PINLYP: variants seen among roughly 807,000 people sequenced by gnomAD.
PINLYP encodes phospholipase A2 inhibitor and LY6/PLAUR domain containing.
A neutral mutation model predicts 15.8 loss-of-function variants in PINLYP; 12 were observed. That is an observed-to-expected ratio of 0.76 (90% confidence interval 0.49 to 1.23). The LOEUF (loss-of-function observed/expected upper bound fraction) is 1.23. Ranked by LOEUF, PINLYP falls within the 50% of genes most tolerant of loss-of-function variation. The probability of loss-of-function intolerance (pLI) is 0.00; values close to 1 mark genes in which losing one functional copy is unlikely to be tolerated. For synonymous variants in PINLYP, 93 were observed against 97.7 expected, an observed-to-expected ratio of 0.95 and a Z score of 0.28; for missense variants, 278 against 264.2, an observed-to-expected ratio of 1.05 and a Z score of -0.36.
exon 3 of PINLYP, chr19:43,578,668 A>T: frequency 6.5e-7 from 1 of 1,536,026 alleles, no homozygotes; most frequent in Non-Finnish European, 8.7e-7. Context: ...AGCAGTGACA[A>T]GGACACATGT....
chr19:43,581,683 T>C, exon 5 of PINLYP: 1 of 1,536,340 alleles, frequency 6.5e-7, no homozygotes, highest in Non-Finnish European at 8.7e-7. Flanking sequence ...TGCGTCTCCT[T>C]ATCTGGACAC....
In PINLYP at chr19:43,581,554, C is replaced by T; in HGVS notation, c.341-9C>T. The T allele has an allele frequency of 3.9e-6, 6 of 1,533,348 alleles. No homozygotes were observed. The highest frequency in any genetic ancestry group is 5.2e-6 in the Non-Finnish European group (6 of 1,145,364). 95.0% of individuals were successfully genotyped at this position (1,533,348 alleles called of 1,614,324 possible). On this transcript the variant is annotated splice_polypyrimidine_tract_variant and intron_variant, in intron 4 of 5. Coordinates refer to ENST00000599207, the Ensembl canonical transcript of PINLYP. ...CCCTATTCACCTTACACTTCATCCT[C>T]ATCCTCAGTTCCCTTGACCAATCTT... is the stretch of plus-strand genomic sequence containing the variant.
chr19:43,577,303 A>AGAGAGAG (rs368788022), intron 2 of PINLYP, 42 bp downstream of exon 2: 24,571 of 1,521,718 alleles, frequency 0.016, 346 homozygotes, highest in African/African-American at 0.061. Context: ...GACCTCAGGA[A>AGAGAGAG]GAGAGAGGTC....
upstream of PINLYP, chr19:43,575,519 A>G (rs779694089): frequency 2.5e-5 from 36 of 1,427,982 alleles, no homozygotes; most frequent in Admixed American, 3.5e-5. Flanking sequence ...TCCGAGGGGC[A>G]GGGAGAGTGG....
intron 3 of PINLYP, among the ~76,000 whole-genome samples, chr19:43,579,239 G>T (rs951365806): frequency 6.6e-6 from 1 of 151,928 alleles, no homozygotes; most frequent in African/African-American, 2.4e-5. Context: ...TTGAAGTATG[G>T]AGCAAATCAT....
Position 43,581,211 on chromosome 19 carries a change from G to C in PINLYP, c.188-1G>C, listed in dbSNP as rs762138947. 2.0e-6 allele frequency: 3 copies of C among 1,536,706 alleles called. No individual in the cohort carries two copies. The African/African-American group carries it at 4.1e-5, about 21-fold the overall frequency. ...TGTCCCTGCCTGTCCCCATCCCACA[G>C]AGGGCAAGGAGTTGGTGCACACCTA... On this transcript the variant is annotated splice_acceptor_variant, in intron 3 of 5. Transcript: ENST00000599207. LOFTEE classifies it high-confidence loss of function.
At position 43,581,710 on chromosome 19, in the gene PINLYP, G is replaced by A; in HGVS notation, c.481+7G>A. On this transcript the variant is annotated splice_region_variant and intron_variant, in intron 5 of 5. Coordinates refer to ENST00000599207, the Ensembl canonical transcript of PINLYP. ...TCTGGACACGTGCAGGCTGGTGAGTGGTGCCTGAATCTCTGGAAAAGGAAA... is the reference window on the plus strand; with the variant it reads ...TCTGGACACGTGCAGGCTGGTGAGTAGTGCCTGAATCTCTGGAAAAGGAAA... 4 of 1,536,092 alleles carry A rather than the reference G, an allele frequency of 2.6e-6. No homozygotes were observed. The highest frequency in any genetic ancestry group is 3.5e-6 in the Non-Finnish European group (4 of 1,146,848).
Position 43,576,936 on chromosome 19 carries a change from G to C in PINLYP, c.-78+17G>C, listed in dbSNP as rs909590219. On this transcript the variant is annotated intron_variant, in intron 1 of 5. Coordinates refer to ENST00000599207, the Ensembl canonical transcript of PINLYP. ...CGTGGGAAGGTGAGAAAACAGGGTG[G>C]TGACTTTCTGGGTTCTAATAGAAGA... 1.9e-6 allele frequency: 1 copy of C among 516,134 alleles called. No individual in the cohort carries two copies. The highest frequency in any genetic ancestry group is 3.3e-6 in the Non-Finnish European group (1 of 299,194). 32.0% of individuals were successfully genotyped at this position (516,134 alleles called of 1,614,324 possible).
At chr19:43,581,779 G>A in intron 5 of PINLYP, 76 bp downstream of exon 5, 1 of 1,533,310 alleles carries the variant, frequency 6.5e-7, no homozygotes, top group Non-Finnish European at 8.7e-7. Flanking sequence ...GGAGGAGAGG[G>A]TTCCAGAGAA....
upstream of PINLYP, chr19:43,575,514 G>C: frequency 6.3e-7 from 1 of 1,577,172 alleles, no homozygotes; most frequent in East Asian, 2.3e-5. Flanking sequence ...TGGGGTCCGA[G>C]GGGCAGGGAG....
chr19:43,577,589 A>T (rs1268482954), intron 2 of PINLYP, among the ~76,000 whole-genome samples: 1 of 137,128 alleles, frequency 7.3e-6, no homozygotes, highest in East Asian at 2.2e-4. Context: ...AAATCTTTAA[A>T]AATATAATTA....
intron 1 of PINLYP, 78 bp from the exon 2 acceptor site, chr19:43,577,037 G>T: frequency 1.4e-6 from 2 of 1,416,722 alleles, no homozygotes; most frequent in Non-Finnish European, 1.9e-6. Flanking sequence ...GTCACTTTTG[G>T]ATTCTGGTTC....
Position 43,578,570 on chromosome 19 carries a change from G to T in PINLYP, c.71-20G>T. ...CCACACCACCCATGACTACAGCCTC[G>T]CCCTCTGTCTACACTGCAGGGTGCC... On this transcript the variant is annotated intron_variant, in intron 2 of 5. Coordinates refer to ENST00000599207, the Ensembl canonical transcript of PINLYP. 6.6e-7 allele frequency: 1 copy of T among 1,522,590 alleles called. No individual in the cohort carries two copies. Among genetic ancestry groups the T allele is most frequent in the Non-Finnish European group, 8.8e-7 (1 of 1,135,670 alleles). 94.3% of individuals were successfully genotyped at this position (1,522,590 alleles called of 1,614,324 possible).
chr19:43,575,524 G>C (rs1162494315), upstream of PINLYP: 2 of 1,532,456 alleles, frequency 1.3e-6, no homozygotes, highest in African/African-American at 1.4e-5. Context: ...GGGGCAGGGA[G>C]AGTGGGAGGG....
At chr19:43,575,966 A>G (rs543945312) in exon 1 of PINLYP, 1 of 152,280 alleles carries the variant, frequency 6.6e-6, no homozygotes, top group East Asian at 1.9e-4. Flanking sequence ...CAGTGGCACG[A>G]TCTCGGCTTT....
rs755742280 is a variant in PINLYP, at chr19:43,578,814, G to A, written c.187+108G>A. On this transcript the variant is annotated intron_variant, in intron 3 of 5. Transcript: ENST00000599207. The stretch of plus-strand genomic sequence containing the variant: ...ATCATGGTTCTCAAGACGGGAGCGT[G>A]GGAAGAAATCAGTGGAGAGCAGGAA... 3.6e-6 allele frequency: 3 copies of A among 823,146 alleles called. No individual in the cohort carries two copies. The South Asian group carries it at 4.5e-5, about 12-fold the overall frequency. 51.0% of individuals were successfully genotyped at this position (823,146 alleles called of 1,614,324 possible). A position where few individuals can be genotyped will look rare whatever the true frequency, so the allele number is the denominator to read the frequency against.
chr19:43,577,349 G>C, intron 2 of PINLYP, 88 bp downstream of exon 2: 16 of 1,301,634 alleles, frequency 1.2e-5, no homozygotes, highest in Non-Finnish European at 1.6e-5. Flanking sequence ...GAGAGAGAAA[G>C]AGCCTTCAGC....
chr19:43,577,168 C>A, exon 2 of PINLYP: 8 of 1,535,984 alleles, frequency 5.2e-6, no homozygotes, highest in Non-Finnish European at 7.0e-6. Context: ...AAGCTGGGGA[C>A]CAGGTACTGC....
chr19:43,575,559 A>G, upstream of PINLYP: 2 of 1,337,320 alleles, frequency 1.5e-6, no homozygotes, highest in East Asian at 2.6e-5. Flanking sequence ...TGCGCTGGCT[A>G]AAGTGCGCAA....
Sources: allele counts gnomAD v4.1 joint callset (sites outside exome capture counted in the v4.1 genomes callset), GRCh38; gene constraint gnomAD v4.1.1; transcripts MANE v1.5; gene names NCBI Gene and HGNC (gene_info 2026-07-23, HGNC 2026-07-21).